The following GALNT11 variants were observed in gnomAD, a reference collection of about 807,000 sequenced individuals.
The protein encoded by GALNT11 is polypeptide N-acetylgalactosaminyltransferase 11.
In GALNT11, 47 loss-of-function variants were observed where a neutral mutation model predicts 72.7. The observed-to-expected ratio is 0.65, with a 90% CI of 0.51 to 0.82. The LOEUF (loss-of-function observed/expected upper bound fraction) is 0.82. GALNT11 is among the 40% of genes least tolerant of loss of function. The pLI is 0.00. For synonymous variants in GALNT11, 270 were observed against 286.6 expected (o/e 0.94, Z 0.58); for missense variants, 677 against 778.4 (o/e 0.87, Z 1.55).
intron 1 of GALNT11, among the ~76,000 whole-genome samples, chr7:152,055,322 G>C (rs1463877643): frequency 6.6e-6 from 1 of 152,100 alleles, no homozygotes; most frequent in Non-Finnish European, 1.5e-5. Flanking sequence ...AAGCAAACCA[G>C]CAGATATTTT....
chr7:152,042,021 A>G (rs1207901584), intron 1 of GALNT11, among the ~76,000 whole-genome samples: 1 of 152,230 alleles, frequency 6.6e-6, no homozygotes. Context: ...TATCATGCAT[A>G]TAATGGATAA....
chr7:152,093,273 G>A (rs1470880306), intron 1 of GALNT11, among the ~76,000 whole-genome samples: 1 of 151,398 alleles, frequency 6.6e-6, no homozygotes, highest in East Asian at 1.9e-4. Context: ...TTGCTGTTCA[G>A]TGCTACATTT....
intron 1 of GALNT11, among the ~76,000 whole-genome samples, chr7:152,057,168 T>C (rs896931044): frequency 3.3e-5 from 5 of 152,004 alleles, no homozygotes; most frequent in South Asian, 2.1e-4. Flanking sequence ...GATACTTTCT[T>C]TTTTAAAAAG....
chr7:152,039,466 C>G (rs138465917), intron 1 of GALNT11, among the ~76,000 whole-genome samples: 46 of 152,210 alleles, frequency 3.0e-4, no homozygotes, highest in Middle Eastern at 3.4e-3. Flanking sequence ...TGTGTCAGCC[C>G]TTGTTGAAGG....
intron 1 of GALNT11, among the ~76,000 whole-genome samples, chr7:152,083,423 C>A (rs2085433198): frequency 1.3e-5 from 2 of 152,234 alleles, no homozygotes; most frequent in South Asian, 2.1e-4. Flanking sequence ...CATTTCCTCT[C>A]AGGTTTGTGA....
intron 1 of GALNT11, among the ~76,000 whole-genome samples, chr7:152,033,100 G>A (rs962670012): frequency 5.3e-5 from 8 of 152,162 alleles, no homozygotes; most frequent in East Asian, 1.9e-4. Flanking sequence ...GCGCTTGCCC[G>A]AGGCACCCTC....
At chr7:152,068,544 T>C (rs1352271853) in intron 1 of GALNT11, among the ~76,000 whole-genome samples, 1 of 152,216 alleles carries the variant, frequency 6.6e-6, no homozygotes, top group Non-Finnish European at 1.5e-5. Flanking sequence ...TTTCTTGCAT[T>C]TGTGGGCATA....
intron 1 of GALNT11, among the ~76,000 whole-genome samples, chr7:152,078,629 G>A (rs940048868): frequency 2.0e-5 from 3 of 152,170 alleles, no homozygotes; most frequent in African/African-American, 7.2e-5. Context: ...TAAGTAATAT[G>A]CAAATTCATT....
intron 1 of GALNT11, among the ~76,000 whole-genome samples, chr7:152,035,813 T>C (rs147497460): frequency 6.6e-6 from 1 of 152,276 alleles, no homozygotes; most frequent in African/African-American, 2.4e-5. Flanking sequence ...GGTCAGATGG[T>C]ACTCACTGCT....
intron 1 of GALNT11, among the ~76,000 whole-genome samples, chr7:152,092,430 C>G (rs1051276379): frequency 8.5e-5 from 13 of 152,326 alleles, no homozygotes; most frequent in African/African-American, 3.1e-4. Context: ...AGCGCTTTCA[C>G]TGGCGCCTGA....
At chr7:152,051,600 T>C (rs949755171) in intron 1 of GALNT11, among the ~76,000 whole-genome samples, 1 of 152,168 alleles carries the variant, frequency 6.6e-6, no homozygotes, top group Non-Finnish European at 1.5e-5. Context: ...TTCATACTAC[T>C]CTGCACTCAC....
intron 9 of GALNT11, 119 bp from the exon 10 acceptor site, chr7:152,118,559 T>G: frequency 7.8e-6 from 6 of 771,028 alleles, no homozygotes; most frequent in Non-Finnish European, 1.2e-5. Context: ...TATATTTTTA[T>G]GAGCCTTGGA....
chr7:152,032,916 A>G (rs1053513415), intron 1 of GALNT11, among the ~76,000 whole-genome samples: 3 of 152,224 alleles, frequency 2.0e-5, no homozygotes, highest in Admixed American at 2.0e-4. Flanking sequence ...TGGGAGAAAT[A>G]CCTGGTTACA....
chr7:152,041,908 T>C (rs994561318), intron 1 of GALNT11, among the ~76,000 whole-genome samples: 4 of 152,258 alleles, frequency 2.6e-5, no homozygotes, highest in Non-Finnish European at 5.9e-5. Flanking sequence ...AGTAGTAGTC[T>C]GAATTTTGTC....
chr7:152,083,937 TTAAGA>T (rs2085469737), intron 1 of GALNT11, among the ~76,000 whole-genome samples: 1 of 152,228 alleles, frequency 6.6e-6, no homozygotes, highest in Non-Finnish European at 1.5e-5. Flanking sequence ...TGTTTAGTAT[TTAAGA>T]TGTTTGTCTT....
At chr7:152,057,801 T>C (rs2083772211) in intron 1 of GALNT11, among the ~76,000 whole-genome samples, 1 of 152,356 alleles carries the variant, frequency 6.6e-6, no homozygotes, top group East Asian at 1.9e-4. Flanking sequence ...TTTCAGTTAA[T>C]GCTAATGTCC....
chr7:152,067,101 G>T (rs1383309924), intron 1 of GALNT11, among the ~76,000 whole-genome samples: 1 of 152,188 alleles, frequency 6.6e-6, no homozygotes, highest in East Asian at 1.9e-4. Flanking sequence ...CCACTGGTCA[G>T]GTATCTTGTA....
At chr7:152,101,622 C>CG (rs1467457342) in intron 3 of GALNT11, among the ~76,000 whole-genome samples, 1 of 131,872 alleles carries the variant, frequency 7.6e-6, no homozygotes, top group Non-Finnish European at 1.6e-5. Context: ...AATGTGTTCT[C>CG]TAAGTTCATG....
rs149217508 is a variant in GALNT11 at position 152,099,127 on chromosome 7, A to G, written c.296-1671A>G. ...TGGCTTATTTTTGTATTTTTAGTAG[A>G]TACGGGGTTTTACCATGTTGGTCAG... On this transcript the variant is annotated intron_variant, in intron 2 of 11. Transcript: ENST00000430044. Among the ~76,000 whole-genome samples, 808 of 151,518 alleles carry G rather than the reference A, an allele frequency of 5.3e-3. 8 individuals carry two copies. The highest frequency in any genetic ancestry group is 0.019 in the African/African-American group (779 of 41,288).
Sources: gnomAD v4.1 joint callset for allele counts (sites outside exome capture counted in the v4.1 genomes callset) on GRCh38, gnomAD v4.1.1 for gene constraint, MANE v1.5 for transcripts, NCBI Gene and HGNC (gene_info 2026-07-23, HGNC 2026-07-21) for gene names.